The following ZFP41 variants were observed in gnomAD, a reference collection of about 807,000 sequenced individuals.
The protein encoded by ZFP41 is zinc finger protein 41 homolog.
ZFP41 carries 10 observed loss-of-function variants against 11.6 expected under a neutral mutation model. The observed-to-expected ratio is 0.86, with a 90% CI of 0.53 to 1.47. The LOEUF (loss-of-function observed/expected upper bound fraction) is 1.47. ZFP41 is among the 40% of genes most tolerant of loss of function. The pLI is 0.00. For missense variants in ZFP41, 302 were observed against 264.6 expected (o/e 1.14, Z -0.98); for synonymous variants, 123 against 100.9 (o/e 1.22, Z -1.31).
intron 2 of ZFP41, among the ~76,000 whole-genome samples, chr8:143,254,045 G>C (rs1207186833): frequency 6.6e-6 from 1 of 152,192 alleles, no homozygotes; most frequent in Non-Finnish European, 1.5e-5. Context: ...CTGACAGGAG[G>C]CGGAGCTTAG....
chr8:143,262,100 C>T lies in ZFP41; in HGVS notation c.*3226C>T, dbSNP rs540803504. On this transcript the variant is annotated 3_prime_UTR_variant, in exon 3 of 3. Coordinates refer to ENST00000330701, the MANE Select transcript of ZFP41 (RefSeq NM_173832.6). ...CCTCTGCACCTCCCACGCCCCTCTC[C>T]GGCAGCCCCTGCCCACACCCGCACC... 5 of 184,574 alleles carry T rather than the reference C, an allele frequency of 2.7e-5. No individual in the cohort carries two copies. Among genetic ancestry groups the T allele is most frequent in the Non-Finnish European group, 4.5e-5 (4 of 89,050 alleles). The allele number at this position is 184,574 out of a possible 1,614,324, so 11.4% of individuals were successfully genotyped here.
intron 2 of ZFP41, among the ~76,000 whole-genome samples, chr8:143,256,904 C>A (rs978678115): frequency 1.3e-5 from 2 of 152,220 alleles, no homozygotes; most frequent in African/African-American, 4.8e-5. Flanking sequence ...CAGATGAATT[C>A]CTGATGTCAT....
At chr8:143,259,492 CT>C (rs1814987816) in intron 2 of ZFP41, among the ~76,000 whole-genome samples, 1 of 152,216 alleles carries the variant, frequency 6.6e-6, no homozygotes, top group Admixed American at 6.5e-5. Flanking sequence ...ATCTGACACC[CT>C]CCCACCTTCC....
chr8:143,247,338 A>C (rs1239482459), intron 1 of ZFP41, 196 bp downstream of exon 1: 2 of 152,276 alleles, frequency 1.3e-5, no homozygotes, highest in African/African-American at 4.8e-5. Context: ...GAGAGCCTCT[A>C]ACTAGGAGCA....
rs564641450 is a variant in ZFP41, at chr8:143,260,009, G to C, written c.*1135G>C. 6.5e-6 allele frequency: 1 copy of C among 154,152 alleles called. No individual in the cohort carries two copies. The highest frequency in any genetic ancestry group is 2.4e-5 in the African/African-American group (1 of 41,584). The allele number at this position is 154,152 out of a possible 1,614,324, so 9.5% of individuals were successfully genotyped here. ...GAGTGCGTGCAGGGAAGCAGCCTCT[G>C]AAATCGTGCAGGGAAGCACCCTGTG... On this transcript the variant is annotated 3_prime_UTR_variant, in exon 3 of 3. Transcript: ENST00000330701.
intron 1 of ZFP41, among the ~76,000 whole-genome samples, chr8:143,248,782 T>A (rs1277623817): frequency 6.6e-6 from 1 of 152,188 alleles, no homozygotes; most frequent in Non-Finnish European, 1.5e-5. Flanking sequence ...GCCCACCTGA[T>A]CTGCCTCCTC....
At chr8:143,259,525 G>GA (rs1337473266) in intron 2 of ZFP41, among the ~76,000 whole-genome samples, 1 of 152,130 alleles carries the variant, frequency 6.6e-6, no homozygotes, top group Non-Finnish European at 1.5e-5. Context: ...AGAAAACAGG[G>GA]AGCACTTCCT....
chr8:143,252,510 C>T (rs1814795327), intron 2 of ZFP41: 1 of 265,834 alleles, frequency 3.8e-6, no homozygotes, highest in Admixed American at 6.5e-5. Flanking sequence ...GGAGGGGCCT[C>T]CCCAGCGCAG....
chr8:143,250,543 C>T lies in ZFP41; in HGVS notation c.*103C>T, dbSNP rs1250810090. 1.5e-5 allele frequency: 22 copies of T among 1,516,352 alleles called. No homozygotes were observed. Among genetic ancestry groups the T allele is most frequent in the Middle Eastern group, 2.4e-4 (1 of 4,194 alleles). 93.9% of individuals were successfully genotyped at this position (1,516,352 alleles called of 1,614,324 possible). A position where few individuals can be genotyped will look rare whatever the true frequency, so the allele number is the denominator to read the frequency against. On this transcript the variant is annotated 3_prime_UTR_variant, in exon 2 of 3. Transcript: ENST00000330701. The stretch of plus-strand genomic sequence containing the variant: ...CGTCTGATGGGGGCGCAGGGCCGTG[C>T]GCACTGTGTTCCGTGCCCTGGGGAC...
chr8:143,249,067 C>T (rs1427111140), intron 1 of ZFP41: 1 of 152,268 alleles, frequency 6.6e-6, no homozygotes, highest in African/African-American at 2.4e-5. Flanking sequence ...ACCCTGGCCT[C>T]AAACTCCAGC....
chr8:143,254,630 C>CTTTTTT (rs56112135), intron 2 of ZFP41, among the ~76,000 whole-genome samples: 7 of 115,008 alleles, frequency 6.1e-5, no homozygotes, highest in East Asian at 5.0e-4. Context: ...GGGAGCGTTA[C>CTTTTTT]TTTTTTTTTT....
intron 2 of ZFP41, among the ~76,000 whole-genome samples, chr8:143,258,322 C>G (rs1404218605): frequency 6.6e-6 from 1 of 152,196 alleles, no homozygotes; most frequent in Non-Finnish European, 1.5e-5. Flanking sequence ...GTGATGGACG[C>G]CTCTTCCAGG....
rs1396979957 is a variant in ZFP41 at position 143,261,266 on chromosome 8, C to T, written c.*2392C>T. On this transcript the variant is annotated 3_prime_UTR_variant, in exon 3 of 3. Coordinates refer to ENST00000330701, the MANE Select transcript of ZFP41 (RefSeq NM_173832.6). Reference sequence around the variant, plus strand: ...TTGGGGCGCTGAGATGTGATCGTTTCTTTCCTGAGAATGAGCTGAGGTAAA... The same window carrying T: ...TTGGGGCGCTGAGATGTGATCGTTTTTTTCCTGAGAATGAGCTGAGGTAAA... 1 of 152,350 alleles carries T rather than the reference C, an allele frequency of 6.6e-6. No individual in the cohort carries two copies. Among genetic ancestry groups the T allele is most frequent in the Non-Finnish European group, 1.5e-5 (1 of 68,142 alleles). The allele number at this position is 152,350 out of a possible 1,614,324, so 9.4% of individuals were successfully genotyped here.
intron 1 of ZFP41, chr8:143,249,033 A>G (rs879712093): frequency 6.6e-6 from 1 of 152,230 alleles, no homozygotes; most frequent in Non-Finnish European, 1.5e-5. Context: ...CATGCATATC[A>G]GCTCCACTTT....
chr8:143,260,729 T>C lies in ZFP41; in HGVS notation c.*1855T>C. ...ACCAGCAGGCACCATCCTTCCAGCC[T>C]TGCTCAGTCACCCTGACCCAGAGGG... On this transcript the variant is annotated 3_prime_UTR_variant, in exon 3 of 3. Coordinates refer to ENST00000330701, the MANE Select transcript of ZFP41 (RefSeq NM_173832.6). The C allele has an allele frequency of 5.3e-6, 1 of 188,014 alleles. No homozygotes were observed. The highest frequency in any genetic ancestry group is 6.9e-5 in the South Asian group (1 of 14,402). The allele number at this position is 188,014 out of a possible 1,614,324, so 11.6% of individuals were successfully genotyped here.
intron 2 of ZFP41, chr8:143,253,045 CATCA>C (rs1814813649): frequency 6.6e-6 from 1 of 152,334 alleles, no homozygotes; most frequent in Non-Finnish European, 1.5e-5. Flanking sequence ...CAGAAGCAGG[CATCA>C]GAGCACGTGT....
In ZFP41 at chr8:143,250,802, A is replaced by C. The variant is rs1252978290; in HGVS notation, c.*362A>C. The stretch of plus-strand genomic sequence containing the variant: ...TTTGGGTCACCTCAGAGCACCCAGC[A>C]GGAGAGGCTCCTGGTGTAGTGGGCA... On this transcript the variant is annotated 3_prime_UTR_variant, in exon 2 of 3. Transcript: ENST00000330701. 1 of 290,532 alleles carries C rather than the reference A, an allele frequency of 3.4e-6. No homozygotes were observed. The highest frequency in any genetic ancestry group is 2.1e-5 in the African/African-American group (1 of 46,948). The allele number at this position is 290,532 out of a possible 1,614,324, so 18.0% of individuals were successfully genotyped here. A position where few individuals can be genotyped will look rare whatever the true frequency, so the allele number is the denominator to read the frequency against.
chr8:143,262,089 ACGCCC>A lies in ZFP41; in HGVS notation c.*3217_*3221del. The A allele has an allele frequency of 5.7e-6, 1 of 175,526 alleles. No homozygotes were observed. Among genetic ancestry groups the A allele is most frequent in the Non-Finnish European group, 1.2e-5 (1 of 85,688 alleles). The allele number at this position is 175,526 out of a possible 1,614,324, so 10.9% of individuals were successfully genotyped here. ...CCGCGCCCGCACCTCTGCACCTCCC[ACGCCC>A]CTCTCCGGCAGCCCCTGCCCACACC... On this transcript the variant is annotated 3_prime_UTR_variant, in exon 3 of 3. Coordinates refer to ENST00000330701, the MANE Select transcript of ZFP41 (RefSeq NM_173832.6).
At position 143,250,307 on chromosome 8, in the gene ZFP41, G is replaced by T. The variant is rs906739889; in HGVS notation, c.464G>T (p.Gly155Val). The change falls in exon 2 of 3, where the codon GGC becomes GTC. Residue 155 changes from glycine to valine, a missense_variant. Coordinates refer to ENST00000330701, the MANE Select transcript of ZFP41 (RefSeq NM_173832.6). The stretch of plus-strand genomic sequence containing the variant: ...GAGTGCGGGAAAGCCTTTAACTGCG[G>T]CTCCAATCTCCTGAAACATCAGAAG... Reference protein sequence around the residue: ...CGECGKAFNCGSNLLKHQKTH... With the variant: ...CGECGKAFNCVSNLLKHQKTH... 3.7e-6 allele frequency: 6 copies of T among 1,614,026 alleles called. No homozygotes were observed. Among genetic ancestry groups the T allele is most frequent in the Non-Finnish European group, 5.1e-6 (6 of 1,180,026 alleles).
Sources: gnomAD v4.1 joint callset for allele counts (sites outside exome capture counted in the v4.1 genomes callset) on GRCh38, gnomAD v4.1.1 for gene constraint, MANE v1.5 for transcripts, NCBI Gene and HGNC (gene_info 2026-07-23, HGNC 2026-07-21) for gene names.